Variants in RIMS1 observed in about 807,000 individuals in gnomAD.
RIMS1 encodes the protein regulating synaptic membrane exocytosis 1.
A neutral mutation model predicts 214.1 loss-of-function variants in RIMS1; 83 were observed. The ratio of observed to expected loss-of-function variants is 0.39; its 90% CI spans 0.32 to 0.47. RIMS1 has a LOEUF of 0.47. Ranked by LOEUF, RIMS1 falls within the 20% of genes least tolerant of loss-of-function variation. The pLI, the probability that RIMS1 is intolerant of heterozygous loss-of-function variation, is 0.99. For missense variants in RIMS1, 2,050 were observed against 2,161.8 expected (o/e 0.95, Z 1.03); for synonymous variants, 793 against 786.8 (o/e 1.01, Z -0.13).
At chr6:72,073,816 T>A (rs1322408895) in intron 2 of RIMS1, among the ~76,000 whole-genome samples, 1 of 152,214 alleles carries the variant, frequency 6.6e-6, no homozygotes, top group African/African-American at 2.4e-5. Context: ...CTCTGTGGTG[T>A]GAGGCTATGA....
chr6:72,391,011 G>A (rs140947345), intron 30 of RIMS1: 19 of 283,448 alleles, frequency 6.7e-5, no homozygotes, highest in African/African-American at 3.9e-4. Context: ...TTCCTTACTG[G>A]ATGTTTAGTG....
At chr6:71,895,400 T>C (rs373297670) in intron 1 of RIMS1, among the ~76,000 whole-genome samples, 51 of 152,036 alleles carry the variant, frequency 3.4e-4, no homozygotes, top group African/African-American at 1.0e-3. Context: ...TGAGGCCGGG[T>C]GCGGTGGCTC....
Position 72,250,967 on chromosome 6 carries a change from C to A in RIMS1, c.2419C>A (p.Pro807Thr). Reference protein sequence around the residue: ...RTKTVKKILEPKWNQTFVYSH... With the variant: ...RTKTVKKILETKWNQTFVYSH... ...CAAAACAGTAAAGAAAATACTAGAA[C>A]CAAAATGGAATCAAACTTTTGTCTA... The change falls in exon 14 of 34, where the codon CCA becomes ACA. Residue 807 changes from proline to threonine, a missense_variant. By Grantham distance (38) the Pro-to-Thr change is conservative. Transcript: ENST00000521978. The A allele has an allele frequency of 6.5e-7, 1 of 1,542,532 alleles. No homozygotes were observed. Among genetic ancestry groups the A allele is most frequent in the South Asian group, 1.2e-5 (1 of 80,582 alleles).
At chr6:72,111,087 G>T (rs1412284999) in intron 4 of RIMS1, among the ~76,000 whole-genome samples, 1 of 152,082 alleles carries the variant, frequency 6.6e-6, no homozygotes, top group South Asian at 2.1e-4. Context: ...ATGTTTCCTT[G>T]TATTCAAGAT....
At chr6:72,390,085 AATC>A (rs1282024305) in intron 29 of RIMS1, among the ~76,000 whole-genome samples, 6 of 152,322 alleles carry the variant, frequency 3.9e-5, no homozygotes, top group African/African-American at 1.4e-4. Context: ...GTGCTGCAAA[AATC>A]ATCAATTAAA....
chr6:72,016,221 G>T (rs1011335556), intron 2 of RIMS1, among the ~76,000 whole-genome samples: 1 of 152,062 alleles, frequency 6.6e-6, no homozygotes, highest in African/African-American at 2.4e-5. Flanking sequence ...ATTTGTTGAT[G>T]ATTTTTTTAT....
At chr6:72,023,065 G>C (rs536050586) in intron 2 of RIMS1, among the ~76,000 whole-genome samples, 1 of 152,198 alleles carries the variant, frequency 6.6e-6, no homozygotes, top group South Asian at 2.1e-4. Context: ...ATTGCAGGCT[G>C]TTTCTGTTTG....
At chr6:72,154,880 T>C (rs1588172960) in intron 4 of RIMS1, among the ~76,000 whole-genome samples, 2 of 140,452 alleles carry the variant, frequency 1.4e-5, no homozygotes, top group East Asian at 4.0e-4. Context: ...CCCACTTCTT[T>C]CTTGCTTCAC....
intron 28 of RIMS1, among the ~76,000 whole-genome samples, chr6:72,317,724 G>C (rs1379799174): frequency 6.6e-6 from 1 of 152,080 alleles, no homozygotes; most frequent in Non-Finnish European, 1.5e-5. Flanking sequence ...TGAAAATCTT[G>C]AGTTAGAGTT....
chr6:71,917,552 G>C (rs981429276), intron 1 of RIMS1, among the ~76,000 whole-genome samples: 1 of 152,086 alleles, frequency 6.6e-6, no homozygotes, highest in Non-Finnish European at 1.5e-5. Flanking sequence ...CTAAAGAAGA[G>C]GGAAGAAGGT....
Position 72,400,709 on chromosome 6 carries a change from TC to T in RIMS1, c.5075del (p.Ser1692TyrfsTer11). Reference sequence around the variant, plus strand: ...TTCAACTGGGCCTCCCTGTATTCGATCATAGTGAACTCATACCAGAGTCATT... The same window carrying T: ...TTCAACTGGGCCTCCCTGTATTCGATATAGTGAACTCATACCAGAGTCATT... ...ESSTGPPCIRS is the reference protein window; with the variant it reads ...ESSTGPPCIRX On this transcript the variant is annotated frameshift_variant, in exon 34 of 34. Transcript: ENST00000521978. LOFTEE classifies it high-confidence loss of function. The T allele has an allele frequency of 6.2e-7, 1 of 1,610,080 alleles. No homozygotes were observed. The highest frequency in any genetic ancestry group is 8.5e-7 in the Non-Finnish European group (1 of 1,176,640).
intron 19 of RIMS1, chr6:72,262,501 T>C: frequency 1.0e-6 from 1 of 985,324 alleles, no homozygotes; most frequent in Non-Finnish European, 1.2e-6. Flanking sequence ...GAAACATATG[T>C]CACCAGTGTC....
At chr6:72,273,970 T>C (rs539768288) in intron 22 of RIMS1, among the ~76,000 whole-genome samples, 2 of 152,320 alleles carry the variant, frequency 1.3e-5, no homozygotes, top group South Asian at 4.1e-4. Flanking sequence ...TTAAACCTAT[T>C]TATTCAAACA....
At chr6:72,041,804 C>G (rs965946032) in intron 2 of RIMS1, among the ~76,000 whole-genome samples, 1 of 151,916 alleles carries the variant, frequency 6.6e-6, no homozygotes, top group African/African-American at 2.4e-5. Flanking sequence ...TGTATTTCAT[C>G]GTTGAATCTT....
intron 1 of RIMS1, among the ~76,000 whole-genome samples, chr6:71,965,249 C>T (rs1794118991): frequency 6.6e-6 from 1 of 152,100 alleles, no homozygotes; most frequent in South Asian, 2.1e-4. Context: ...AAGATAAAAC[C>T]ATTTAAAGTT....
intron 11 of RIMS1, among the ~76,000 whole-genome samples, chr6:72,247,204 G>A (rs2070397081): frequency 6.6e-6 from 1 of 152,066 alleles, no homozygotes; most frequent in African/African-American, 2.4e-5. Flanking sequence ...TCCTCCATGT[G>A]AAGTTGAAAC....
intron 6 of RIMS1, among the ~76,000 whole-genome samples, chr6:72,226,456 C>T (rs16882196): frequency 1.3e-5 from 2 of 151,958 alleles, no homozygotes; most frequent in African/African-American, 4.8e-5. Context: ...TCTCAAAGCC[C>T]CATTATCTAC....
At position 72,265,321 on chromosome 6, in the gene RIMS1, A is replaced by G. The variant is rs533424798; in HGVS notation, c.3195-69A>G. The G allele has an allele frequency of 3.7e-4, 321 of 874,876 alleles. 2 individuals carry two copies. The African/African-American group carries it at 4.5e-3, about 12-fold the overall frequency. 54.2% of individuals were successfully genotyped at this position (874,876 alleles called of 1,614,324 possible). On this transcript the variant is annotated intron_variant, in intron 20 of 33. Transcript: ENST00000521978. ...ATTCTAGTTGCTTTGTCATTTGTAT[A>G]TTGTTGTACTTGTTGATTTTAATTA...
At chr6:72,111,509 A>C (rs1367834213) in intron 4 of RIMS1, among the ~76,000 whole-genome samples, 1 of 152,196 alleles carries the variant, frequency 6.6e-6, no homozygotes, top group Non-Finnish European at 1.5e-5. Flanking sequence ...TTCTTGTAAT[A>C]CTGTATAATA....
Sources: allele counts gnomAD v4.1 joint callset (sites outside exome capture counted in the v4.1 genomes callset), GRCh38; gene constraint gnomAD v4.1.1; transcripts MANE v1.5; gene names NCBI Gene and HGNC (gene_info 2026-07-23, HGNC 2026-07-21).